Variants in SEMA3E observed in about 807,000 individuals in gnomAD.
SEMA3E encodes semaphorin 3E.
In SEMA3E, 49 loss-of-function variants were observed where a neutral mutation model predicts 93.6. That is an observed-to-expected ratio of 0.52 (90% CI 0.42 to 0.66). The LOEUF is 0.66. Among genes scored for constraint, SEMA3E ranks in the 30% least tolerant of loss-of-function variants. The pLI is 0.00. For missense variants in SEMA3E, 906 were observed against 964.8 expected, an observed-to-expected ratio of 0.94 and a Z score of 0.81; for synonymous variants, 363 against 330.7, an observed-to-expected ratio of 1.10 and a Z score of -1.06.
chr7:83,368,262 G>A (rs1794704213), intron 16 of SEMA3E, among the ~76,000 whole-genome samples: 1 of 150,638 alleles, frequency 6.6e-6, no homozygotes, highest in African/African-American at 2.5e-5. Flanking sequence ...TTACATTGGT[G>A]GTCACTTCAT....
intron 16 of SEMA3E, chr7:83,371,604 A>G (rs2116897310): frequency 6.6e-6 from 1 of 152,316 alleles, no homozygotes. Flanking sequence ...ACATATTAAT[A>G]TAAATCGTGC....
At chr7:83,508,712 A>C (rs1457047675) in intron 1 of SEMA3E, among the ~76,000 whole-genome samples, 1 of 152,150 alleles carries the variant, frequency 6.6e-6, no homozygotes, top group East Asian at 1.9e-4. Context: ...TTTTATTATA[A>C]ATTATCTATG....
chr7:83,613,188 G>A (rs1370560078), intron 1 of SEMA3E, among the ~76,000 whole-genome samples: 1 of 151,962 alleles, frequency 6.6e-6, no homozygotes. Flanking sequence ...TCTATAGTCC[G>A]AAAACAATGG....
At chr7:83,532,832 T>C (rs1481636755) in intron 1 of SEMA3E, among the ~76,000 whole-genome samples, 1 of 152,082 alleles carries the variant, frequency 6.6e-6, no homozygotes, top group Non-Finnish European at 1.5e-5. Context: ...TGAGGCTTTA[T>C]CTTGCTTCAA....
At chr7:83,519,571 C>G (rs79023343) in intron 1 of SEMA3E, among the ~76,000 whole-genome samples, 1,700 of 152,164 alleles carry the variant, frequency 0.011, 29 homozygotes, top group African/African-American at 0.039. Flanking sequence ...CCTAGTAAAG[C>G]CTTCAAGATT....
In SEMA3E at chr7:83,449,161, G is replaced by A. The variant is rs553233370; in HGVS notation, c.456+17321C>T. Among the ~76,000 whole-genome samples, 629 of 151,546 alleles carry A rather than the reference G, an allele frequency of 4.2e-3. 6 individuals carry two copies. The highest frequency in any genetic ancestry group is 0.014 in the African/African-American group (564 of 41,404). ...GTCGCTCAGGCTGGAGTGCAGTGGC[G>A]TAATCTTGGCTCACTGCAACCTCCA... On this transcript the variant is annotated intron_variant, in intron 4 of 16. Transcript: ENST00000643230.
intron 7 of SEMA3E, 113 bp downstream of exon 7, chr7:83,406,984 G>A (rs1788341829): frequency 1.6e-6 from 2 of 1,232,798 alleles, no homozygotes; most frequent in Non-Finnish European, 2.3e-6. Context: ...ATCAATTGTA[G>A]GCAGTCTAAA....
intron 1 of SEMA3E, among the ~76,000 whole-genome samples, chr7:83,570,112 T>C (rs939270032): frequency 6.6e-6 from 1 of 152,190 alleles, no homozygotes; most frequent in African/African-American, 2.4e-5. Flanking sequence ...AATTTACTCC[T>C]GAATAAATCT....
chr7:83,525,884 A>T (rs559029902), intron 1 of SEMA3E, among the ~76,000 whole-genome samples: 3 of 150,880 alleles, frequency 2.0e-5, no homozygotes, highest in East Asian at 3.9e-4. Flanking sequence ...GCAGCTCAAG[A>T]ATGGAATCTC....
intron 1 of SEMA3E, among the ~76,000 whole-genome samples, chr7:83,630,036 G>C (rs1793755466): frequency 6.6e-6 from 1 of 152,120 alleles, no homozygotes; most frequent in South Asian, 2.1e-4. Flanking sequence ...TTTGGCTAGG[G>C]GAGGGTGTTC....
At chr7:83,628,119 T>C (rs2115661092) in intron 1 of SEMA3E, among the ~76,000 whole-genome samples, 2 of 152,284 alleles carry the variant, frequency 1.3e-5, no homozygotes, top group East Asian at 3.9e-4. Flanking sequence ...GAAAGTTCTT[T>C]TCTTTAAGAA....
rs2116885758 is a variant in SEMA3E at position 83,363,808 on chromosome 7, T to G, written c.*3778A>C. On this transcript the variant is annotated 3_prime_UTR_variant, in exon 17 of 17. Transcript: ENST00000643230. ...TGGAATCCAAATATCTATACAATACTAAGTACTTTTCTTAATATGTTTATT... is the reference window on the plus strand; with the variant it reads ...TGGAATCCAAATATCTATACAATACGAAGTACTTTTCTTAATATGTTTATT... The G allele has an allele frequency of 6.8e-6, 1 of 147,868 alleles. No homozygotes were observed. Among genetic ancestry groups the G allele is most frequent in the African/African-American group, 2.5e-5 (1 of 40,396 alleles). The allele number at this position is 147,868 out of a possible 1,614,324, so 9.2% of individuals were successfully genotyped here.
At chr7:83,531,395 G>A (rs1381091407) in intron 1 of SEMA3E, among the ~76,000 whole-genome samples, 1 of 135,176 alleles carries the variant, frequency 7.4e-6, no homozygotes, top group Non-Finnish European at 1.5e-5. Flanking sequence ...CACCCAGGCT[G>A]GAGTGCAGTG....
chr7:83,418,787 GGAATT>G (rs1788613889), intron 4 of SEMA3E, among the ~76,000 whole-genome samples: 1 of 152,032 alleles, frequency 6.6e-6, no homozygotes, highest in Admixed American at 6.6e-5. Context: ...ATATTTGAAA[GGAATT>G]GAAACTTGCT....
rs557259071 is a variant in SEMA3E at position 83,484,568 on chromosome 7, C to A, written c.276+5546G>T. On this transcript the variant is annotated intron_variant, in intron 2 of 16. Transcript: ENST00000643230. ...TAACTAGTCAAAACTGGTCATTGAG[C>A]CTTGAAAAATGGATAGTGGGCATTT... Among the ~76,000 whole-genome samples, 6 of 152,184 alleles carry A rather than the reference C, an allele frequency of 3.9e-5. No individual in the cohort carries two copies. The South Asian group carries it at 1.2e-3, about 32-fold the overall frequency.
At chr7:83,420,035 G>C (rs1451397271) in intron 4 of SEMA3E, among the ~76,000 whole-genome samples, 1 of 152,214 alleles carries the variant, frequency 6.6e-6, no homozygotes, top group Middle Eastern at 3.4e-3. Context: ...TCTATACCTA[G>C]AAAATTCTAA....
chr7:83,646,002 C>G (rs914583167), intron 1 of SEMA3E, among the ~76,000 whole-genome samples: 37 of 152,040 alleles, frequency 2.4e-4, no homozygotes, highest in African/African-American at 8.4e-4. Context: ...AAAATGCCTG[C>G]CTTTCTCCCA....
intron 16 of SEMA3E, chr7:83,372,178 G>A: frequency 2.5e-6 from 1 of 397,200 alleles, no homozygotes; most frequent in Admixed American, 4.4e-5. Context: ...AAACTTCCAG[G>A]TAAATCCAAT....
intron 1 of SEMA3E, among the ~76,000 whole-genome samples, chr7:83,526,357 A>T: frequency 6.6e-6 from 1 of 152,088 alleles, no homozygotes; most frequent in Non-Finnish European, 1.5e-5. Context: ...CAGTGCAAAG[A>T]TACTCTGTTC....
Sources: gnomAD v4.1 joint callset for allele counts (sites outside exome capture counted in the v4.1 genomes callset) on GRCh38, gnomAD v4.1.1 for gene constraint, MANE v1.5 for transcripts, NCBI Gene and HGNC (gene_info 2026-07-23, HGNC 2026-07-21) for gene names.